Variants in UPF1 observed in about 807,000 individuals in gnomAD.
UPF1 encodes the protein regulator of nonsense transcripts 1.
UPF1 carries 9 observed loss-of-function variants against 129.2 expected under a neutral mutation model. The observed-to-expected ratio is 0.07, with a 90% CI of 0.04 to 0.12. The LOEUF (loss-of-function observed/expected upper bound fraction) is 0.12, where lower values mean the gene tolerates loss of function less well. UPF1 is among the 10% of genes least tolerant of loss of function. The probability of loss-of-function intolerance (pLI) is 1.00; values close to 1 mark genes in which losing one functional copy is unlikely to be tolerated. For synonymous variants in UPF1, 649 were observed against 644.9 expected, an observed-to-expected ratio of 1.01 and a Z score of -0.10; for missense variants, 788 against 1,525.3, an observed-to-expected ratio of 0.52 and a Z score of 8.05.
intron 1 of UPF1, among the ~76,000 whole-genome samples, chr19:18,839,031 A>G (rs987554691): frequency 2.0e-5 from 3 of 152,110 alleles, no homozygotes; most frequent in Non-Finnish European, 2.9e-5. Context: ...AAAGCTTACC[A>G]CCATCAGCTA....
chr19:18,845,877 G>C, intron 1 of UPF1, 103 bp from the exon 2 acceptor site: 1 of 1,461,580 alleles, frequency 6.8e-7, no homozygotes, highest in Non-Finnish European at 9.1e-7. Context: ...TCTCAAAGCA[G>C]AGATGAGGCC....
chr19:18,848,795 GA>G (rs2055627139), intron 3 of UPF1, among the ~76,000 whole-genome samples: 1 of 152,226 alleles, frequency 6.6e-6, no homozygotes, highest in African/African-American at 2.4e-5. Flanking sequence ...GTATCTTCTG[GA>G]TAACCAAAAG....
Position 18,865,916 on chromosome 19 carries a change from C to T in UPF1, c.3238-128C>T. ...TTACCTGTCCCTGGGCTGGGGTCAT[C>T]AGAGTGGGTCTCCTGGGTCTTAGTT... is the stretch of plus-strand genomic sequence containing the variant. On this transcript the variant is annotated intron_variant, in intron 22 of 23. Transcript: ENST00000262803. The surrounding 1 kb of genome is among the most constrained non-coding windows in gnomAD (Gnocchi z 6.1). 1 of 1,579,594 alleles carries T rather than the reference C, an allele frequency of 6.3e-7. No homozygotes were observed. Among genetic ancestry groups the T allele is most frequent in the South Asian group, 1.1e-5 (1 of 88,316 alleles).
chr19:18,859,049 T>C (rs1005432312), intron 15 of UPF1, among the ~76,000 whole-genome samples: 6 of 152,182 alleles, frequency 3.9e-5, no homozygotes, highest in African/African-American at 1.4e-4. Context: ...ACTCTTTGCC[T>C]AGCGGTAGGT....
rs556478038 is a variant in UPF1, at chr19:18,864,110, C to A, written c.2776-60C>A. On this transcript the variant is annotated intron_variant, in intron 19 of 23. Coordinates refer to ENST00000262803, the MANE Select transcript of UPF1 (RefSeq NM_002911.4). Reference sequence around the variant, plus strand: ...CTGCCACCTCCCAGGCCACCGGGCCCGTGGGAAGTTGTTCCTTCTGTTGAG... The same window carrying A: ...CTGCCACCTCCCAGGCCACCGGGCCAGTGGGAAGTTGTTCCTTCTGTTGAG... The A allele has an allele frequency of 2.7e-6, 4 of 1,500,312 alleles. 1 individual carries two copies. Among genetic ancestry groups the A allele is most frequent in the African/African-American group, 1.4e-5 (1 of 72,758 alleles). The allele number at this position is 1,500,312 out of a possible 1,614,324, so 92.9% of individuals were successfully genotyped here.
chr19:18,855,241 G>T lies in UPF1; in HGVS notation c.1543G>T (p.Gly515Trp). ...IVYHLARQGN[G>W]PVLVCAPSNI... Reference sequence around the variant, plus strand: ...CTACCACCTGGCCCGGCAAGGCAACGGGTAGGGCTGACACGGCCCTTGCGG... The same window carrying T: ...CTACCACCTGGCCCGGCAAGGCAACTGGTAGGGCTGACACGGCCCTTGCGG... The change falls in exon 11 of 24, where the codon GGG (glycine) becomes TGG (tryptophan). Residue 515 changes from glycine (G) to tryptophan (W), a missense_variant and splice_region_variant. Gly to Trp is a radical substitution (Grantham distance 184). Transcript: ENST00000262803. 6.2e-7 allele frequency: 1 copy of T among 1,610,048 alleles called. No individual in the cohort carries two copies. Among genetic ancestry groups the T allele is most frequent in the Non-Finnish European group, 8.5e-7 (1 of 1,179,934 alleles).
chr19:18,844,724 C>T (rs1327198600), intron 1 of UPF1, among the ~76,000 whole-genome samples: 1 of 152,192 alleles, frequency 6.6e-6, no homozygotes, highest in African/African-American at 2.4e-5. Context: ...AGATGATGAC[C>T]CTCTTGTCCT....
chr19:18,839,324 C>T (rs1260907606), intron 1 of UPF1, among the ~76,000 whole-genome samples: 2 of 152,158 alleles, frequency 1.3e-5, no homozygotes, highest in East Asian at 1.9e-4. Flanking sequence ...GAGCTCCTGA[C>T]CTCAGGTGAT....
chr19:18,861,878 G>A (rs1182402860), intron 17 of UPF1, 132 bp from the exon 18 acceptor site: 20 of 1,199,232 alleles, frequency 1.7e-5, no homozygotes, highest in Admixed American at 2.7e-5. Flanking sequence ...CAGCCCCTAG[G>A]TGCGGTGAGC....
Position 18,855,958 on chromosome 19 carries a change from C to G in UPF1, c.1578C>G (p.Ala526=). 6.2e-7 allele frequency: 1 copy of G among 1,613,886 alleles called. No homozygotes were observed. Among genetic ancestry groups the G allele is most frequent in the Non-Finnish European group, 8.5e-7 (1 of 1,180,024 alleles). The part of the protein sequence containing the change: ...PVLVCAPSNI[A]VDQLTEKIHQ... ...TGGTGTGTGCTCCGAGCAACATCGC[C>G]GTGGACCAGCTAACGGAGAAGATCC... The change falls in exon 12 of 24, where the codon GCC becomes GCG. Residue 526 remains alanine, a synonymous_variant. Transcript: ENST00000262803.
At position 18,865,317 on chromosome 19, in the gene UPF1, C is replaced by A; in HGVS notation, c.2886C>A (p.Thr962=). The A allele has an allele frequency of 1.2e-6, 2 of 1,612,900 alleles. No individual in the cohort carries two copies. Among genetic ancestry groups the A allele is most frequent in the Non-Finnish European group, 8.5e-7 (1 of 1,179,164 alleles). ...QGRPSSMYFQ[T]HDQIGMISAG... ...GGCCTTCCAGCATGTACTTCCAGAC[C>A]CATGACCAGATTGGCATGATCAGTG... The change falls in exon 21 of 24, where the codon ACC becomes ACA. Residue 962 remains threonine, a synonymous_variant. Transcript: ENST00000262803. This position sits in a 1 kb window ranked among gnomAD's most constrained non-coding sequence, Gnocchi z 6.1.
chr19:18,861,101 A>G (rs2055774246), intron 17 of UPF1, 119 bp downstream of exon 17: 4 of 1,366,666 alleles, frequency 2.9e-6, no homozygotes, highest in Non-Finnish European at 3.9e-6. Flanking sequence ...TGGCCCAGGA[A>G]GCACCAGCTG....
Position 18,851,000 on chromosome 19 carries a change from C to A in UPF1, c.810+132C>A. ...TGAAAGGAATTCAGGCAGACCTCTGCCACCTCTACGTGGAATGACCTCAGG... is the reference window on the plus strand; with the variant it reads ...TGAAAGGAATTCAGGCAGACCTCTGACACCTCTACGTGGAATGACCTCAGG... On this transcript the variant is annotated intron_variant, in intron 5 of 23. Coordinates refer to ENST00000262803, the MANE Select transcript of UPF1 (RefSeq NM_002911.4). The surrounding 1 kb of genome is among the most constrained non-coding windows in gnomAD (Gnocchi z 7.1). 1.7e-6 allele frequency: 2 copies of A among 1,188,320 alleles called. No individual in the cohort carries two copies. Among genetic ancestry groups the A allele is most frequent in the Non-Finnish European group, 2.3e-6 (2 of 886,298 alleles). The allele number at this position is 1,188,320 out of a possible 1,614,324, so 73.6% of individuals were successfully genotyped here.
rs1218130824 is a variant in UPF1, at chr19:18,867,764, C to G, written c.*1247C>G. 1 of 152,334 alleles carries G rather than the reference C, an allele frequency of 6.6e-6. No individual in the cohort carries two copies. The highest frequency in any genetic ancestry group is 1.9e-4 in the East Asian group (1 of 5,206). 9.4% of individuals were successfully genotyped at this position (152,334 alleles called of 1,614,324 possible). A position where few individuals can be genotyped will look rare whatever the true frequency, so the allele number is the denominator to read the frequency against. On this transcript the variant is annotated 3_prime_UTR_variant, in exon 24 of 24. Coordinates refer to ENST00000262803, the MANE Select transcript of UPF1 (RefSeq NM_002911.4). Reference sequence around the variant, plus strand: ...GGTCATTTTAGGAGAGCTGCCCCAGCCCCTCGAACGCCTGGCTTGGGGTGT... The same window carrying G: ...GGTCATTTTAGGAGAGCTGCCCCAGGCCCTCGAACGCCTGGCTTGGGGTGT...
chr19:18,843,749 G>GTGT (rs374613058), intron 1 of UPF1, among the ~76,000 whole-genome samples: 29 of 148,466 alleles, frequency 2.0e-4, no homozygotes, highest in Non-Finnish European at 3.0e-4. Flanking sequence ...GTGTGTGTGT[G>GTGT]TGTTGTTGTT....
Position 18,860,946 on chromosome 19 carries a change from G to A in UPF1, c.2421G>A (p.Met807Ile), listed in dbSNP as rs746408072. 1 of 1,588,882 alleles carries A rather than the reference G, an allele frequency of 6.3e-7. No individual in the cohort carries two copies. The highest frequency in any genetic ancestry group is 8.6e-7 in the Non-Finnish European group (1 of 1,168,378). Residue 807 changes from methionine (M) to isoleucine (I), a missense_variant, in exon 17 of 24, where the codon ATG becomes ATA. Met to Ile is a conservative substitution (Grantham distance 10, BLOSUM62 1). This residue lies in a region of UPF1 where 140 missense variants were observed against 385.9 expected (regional missense o/e 0.36). Transcript: ENST00000262803. ...EGQRSYLVQYMQFSGSLHTKL... is the reference protein window; with the variant it reads ...EGQRSYLVQYIQFSGSLHTKL... ...AGCGCTCCTACCTGGTGCAGTACAT[G>A]CAGTTCAGCGGCTCCCTGCACACCA...
At chr19:18,846,147 A>G (rs1451238322) in intron 2 of UPF1, 28 bp downstream of exon 2, 1 of 1,613,086 alleles carries the variant, frequency 6.2e-7, no homozygotes, top group Non-Finnish European at 8.5e-7. Flanking sequence ...GGGCCTGGGC[A>G]TGTGCTGGAC....
intron 6 of UPF1, among the ~76,000 whole-genome samples, chr19:18,852,611 G>A (rs970532318): frequency 1.3e-5 from 2 of 151,962 alleles, no homozygotes; most frequent in African/African-American, 4.8e-5. Context: ...TTAGGCAACG[G>A]GAGCCCTGGA....
rs1302935182 is a variant in UPF1 at position 18,867,805 on chromosome 19, C to G, written c.*1288C>G. ...CTTGGGGTGTCATTCTGCCTGGCGG[C>G]CAGGCCTCCAGCTTCCCCTGCCCCG... On this transcript the variant is annotated 3_prime_UTR_variant, in exon 24 of 24. Transcript: ENST00000262803. 1.3e-5 allele frequency: 2 copies of G among 152,338 alleles called. No individual in the cohort carries two copies. The highest frequency in any genetic ancestry group is 6.5e-5 in the Admixed American group (1 of 15,286). 9.4% of individuals were successfully genotyped at this position (152,338 alleles called of 1,614,324 possible).
Sources: allele counts gnomAD v4.1 joint callset (sites outside exome capture counted in the v4.1 genomes callset), GRCh38; gene constraint gnomAD v4.1.1; regional missense constraint gnomAD v4.1.1; non-coding constraint Gnocchi (gnomAD v3.1); transcripts MANE v1.5; gene names NCBI Gene and HGNC (gene_info 2026-07-23, HGNC 2026-07-21).